Variants in GPC6 observed in about 807,000 individuals in gnomAD.
GPC6 encodes glypican 6.
A neutral mutation model predicts 55.2 loss-of-function variants in GPC6; 14 were observed. That is an observed-to-expected ratio of 0.25 (90% CI 0.17 to 0.40). GPC6 has a LOEUF of 0.40. GPC6 is among the 10% of genes least tolerant of loss of function. The pLI is 1.00. For synonymous variants in GPC6, 278 were observed against 259.6 expected (o/e 1.07, Z -0.68); for missense variants, 641 against 708.5 (o/e 0.90, Z 1.08).
At chr13:93,683,022 G>GGAAACA (rs1241986541) in intron 2 of GPC6, among the ~76,000 whole-genome samples, 1 of 151,384 alleles carries the variant, frequency 6.6e-6, no homozygotes, top group Non-Finnish European at 1.5e-5. Context: ...TGTCTGAAAA[G>GGAAACA]AAAACAAAAA....
At chr13:94,316,242 C>T (rs1876518971) in intron 6 of GPC6, among the ~76,000 whole-genome samples, 1 of 152,134 alleles carries the variant, frequency 6.6e-6, no homozygotes, top group Non-Finnish European at 1.5e-5. Flanking sequence ...CATTGTCCTA[C>T]AAAACCATCA....
intron 3 of GPC6, among the ~76,000 whole-genome samples, chr13:93,851,537 A>G (rs968652308): frequency 1.3e-5 from 2 of 151,918 alleles, no homozygotes; most frequent in South Asian, 4.1e-4. Flanking sequence ...GGCTCACTGC[A>G]GTAGAGGGAA....
At chr13:94,055,284 A>T (rs561393489) in intron 4 of GPC6, among the ~76,000 whole-genome samples, 1 of 152,314 alleles carries the variant, frequency 6.6e-6, no homozygotes, top group African/African-American at 2.4e-5. Flanking sequence ...TTACAATTCT[A>T]CAATTGCAAG....
chr13:94,058,525 C>T (rs1884210434), intron 4 of GPC6, among the ~76,000 whole-genome samples: 1 of 152,136 alleles, frequency 6.6e-6, no homozygotes, highest in Non-Finnish European at 1.5e-5. Context: ...AGTCCCACAC[C>T]ATAGCCCCCT....
chr13:94,343,671 T>G (rs943456285), intron 6 of GPC6, among the ~76,000 whole-genome samples: 3 of 152,208 alleles, frequency 2.0e-5, no homozygotes, highest in Non-Finnish European at 4.4e-5. Flanking sequence ...ACAGGAAATA[T>G]ATTTGTTGAA....
chr13:94,322,686 A>G (rs1268257441), intron 6 of GPC6, among the ~76,000 whole-genome samples: 2 of 152,164 alleles, frequency 1.3e-5, no homozygotes, highest in African/African-American at 4.8e-5. Flanking sequence ...TGTGCATTCT[A>G]TTTTTCTTAA....
chr13:93,969,727 C>G (rs1880201245), intron 3 of GPC6, among the ~76,000 whole-genome samples: 1 of 151,886 alleles, frequency 6.6e-6, no homozygotes, highest in African/African-American at 2.4e-5. Flanking sequence ...CCCTCCCTCC[C>G]CTCTATTCTT....
chr13:93,225,515 T>TGG (rs1193584063), upstream of GPC6, among the ~76,000 whole-genome samples: 1,206 of 98,438 alleles, frequency 0.012, 22 homozygotes, highest in African/African-American at 0.039. Flanking sequence ...TTTGTTTTTT[T>TGG]TTTTTTTGGT....
intron 2 of GPC6, among the ~76,000 whole-genome samples, chr13:93,763,359 C>T (rs1161072653): frequency 3.3e-5 from 5 of 152,168 alleles, no homozygotes; most frequent in South Asian, 4.1e-4. Context: ...ATTGCATAGC[C>T]TACAATCAAA....
At chr13:94,089,742 A>T (rs577079049) in intron 4 of GPC6, among the ~76,000 whole-genome samples, 1 of 152,272 alleles carries the variant, frequency 6.6e-6, no homozygotes, top group Admixed American at 6.5e-5. Context: ...TAAGCTAGGA[A>T]TGTGTCCATT....
intron 4 of GPC6, among the ~76,000 whole-genome samples, chr13:94,252,262 C>A (rs1270784065): frequency 2.6e-5 from 4 of 152,114 alleles, no homozygotes; most frequent in Non-Finnish European, 5.9e-5. Context: ...TGAATGTGTC[C>A]TTTATGAGTT....
At chr13:93,850,067 G>A (rs761769490) in intron 3 of GPC6, among the ~76,000 whole-genome samples, 29 of 152,012 alleles carry the variant, frequency 1.9e-4, no homozygotes, top group Non-Finnish European at 2.6e-4. Context: ...ATGAATGAGC[G>A]ATTAAAAGGA....
At chr13:93,588,410 A>G (rs1374070526) in intron 2 of GPC6, among the ~76,000 whole-genome samples, 1 of 151,730 alleles carries the variant, frequency 6.6e-6, no homozygotes, top group African/African-American at 2.4e-5. Flanking sequence ...GTATTTGATT[A>G]TTTACTTTTA....
At chr13:93,636,496 CT>C (rs759347024) in intron 2 of GPC6, among the ~76,000 whole-genome samples, 8 of 152,152 alleles carry the variant, frequency 5.3e-5, no homozygotes, top group Non-Finnish European at 1.0e-4. Flanking sequence ...CACTGTTTCT[CT>C]GGGAGCAATG....
At chr13:93,757,893 AT>A (rs1449437771) in intron 2 of GPC6, among the ~76,000 whole-genome samples, 1 of 152,162 alleles carries the variant, frequency 6.6e-6, no homozygotes, top group Admixed American at 6.6e-5. Context: ...GAAATGGATA[AT>A]TAGGGTTTCT....
At chr13:93,727,607 T>C (rs1326120667) in intron 2 of GPC6, among the ~76,000 whole-genome samples, 1 of 152,184 alleles carries the variant, frequency 6.6e-6, no homozygotes, top group East Asian at 1.9e-4. Context: ...TCTCTGATGT[T>C]ATAACATGAA....
At chr13:93,338,163 C>T (rs915399862) in intron 1 of GPC6, among the ~76,000 whole-genome samples, 12 of 152,116 alleles carry the variant, frequency 7.9e-5, no homozygotes, top group African/African-American at 2.7e-4. Context: ...AGTAACAAAA[C>T]GAGTGATTTC....
intron 3 of GPC6, among the ~76,000 whole-genome samples, chr13:93,912,381 G>A (rs76529029): frequency 0.01 from 1,593 of 152,000 alleles, 29 homozygotes; most frequent in East Asian, 0.078. Flanking sequence ...TTTAATTCTT[G>A]TTCATGATAG....
At chr13:94,381,696 C>T (rs1880167263) in intron 6 of GPC6, among the ~76,000 whole-genome samples, 2 of 152,110 alleles carry the variant, frequency 1.3e-5, no homozygotes, top group Non-Finnish European at 2.9e-5. Flanking sequence ...ATTATGAAGC[C>T]AAAATGAAAT....
Sources: allele counts gnomAD v4.1 joint callset (sites outside exome capture counted in the v4.1 genomes callset), GRCh38; gene constraint gnomAD v4.1.1; transcripts MANE v1.5; gene names NCBI Gene and HGNC (gene_info 2026-07-23, HGNC 2026-07-21).